TRPM7: variants seen among roughly 807,000 people sequenced by gnomAD.
The protein encoded by TRPM7 is LTRPC ion channel family member 7.
TRPM7 carries 134 observed loss-of-function variants against 229.7 expected under a neutral mutation model. The observed-to-expected ratio is 0.58, with a 90% CI of 0.51 to 0.67. The LOEUF (loss-of-function observed/expected upper bound fraction) is 0.67, where lower values mean the gene tolerates loss of function less well. Among genes scored for constraint, TRPM7 ranks in the 30% least tolerant of loss-of-function variants. TRPM7 has a pLI of 0.00. For missense variants in TRPM7, 1,901 were observed against 2,210.0 expected, an observed-to-expected ratio of 0.86 and a Z score of 2.80; for synonymous variants, 699 against 715.2, an observed-to-expected ratio of 0.98 and a Z score of 0.36.
chr15:50,568,801 C>G (rs1192899592), intron 38 of TRPM7, among the ~76,000 whole-genome samples: 1 of 151,848 alleles, frequency 6.6e-6, no homozygotes, highest in East Asian at 1.9e-4. Context: ...ATGGCAAAAC[C>G]CCATCTCTAC....
intron 16 of TRPM7, among the ~76,000 whole-genome samples, chr15:50,612,092 C>A (rs1195498278): frequency 2.0e-5 from 3 of 152,106 alleles, no homozygotes; most frequent in Admixed American, 2.0e-4. Flanking sequence ...TGAATTCTGG[C>A]ATTTCTTCTT....
chr15:50,627,339 AG>A (rs1475381453), intron 11 of TRPM7, among the ~76,000 whole-genome samples: 2 of 152,102 alleles, frequency 1.3e-5, no homozygotes, highest in African/African-American at 4.8e-5. Context: ...GGGTAGACAG[AG>A]GAAGTCCAAA....
intron 3 of TRPM7, among the ~76,000 whole-genome samples, chr15:50,651,252 TA>T (rs1278172031): frequency 2.0e-5 from 3 of 152,098 alleles, no homozygotes; most frequent in Admixed American, 6.6e-5. Context: ...AAACTATCAA[TA>T]AAATAAAATC....
chr15:50,580,839 C>A, intron 30 of TRPM7, 35 bp downstream of exon 30: 1 of 1,571,440 alleles, frequency 6.4e-7, no homozygotes, highest in South Asian at 1.2e-5. Flanking sequence ...AACTATGATA[C>A]TTCGCAAGCT....
chr15:50,607,444 T>C, intron 19 of TRPM7, 116 bp from the exon 20 acceptor site: 1 of 838,020 alleles, frequency 1.2e-6, no homozygotes, highest in Non-Finnish European at 1.8e-6. Context: ...GTAAATTATC[T>C]CCTAGTTTCC....
chr15:50,667,034 C>T (rs2140940408), intron 1 of TRPM7, among the ~76,000 whole-genome samples: 1 of 152,182 alleles, frequency 6.6e-6, no homozygotes, highest in African/African-American at 2.4e-5. Context: ...TGGATCAGGA[C>T]CCCTTTCTGG....
chr15:50,629,905 A>C (rs1596251073), intron 10 of TRPM7, among the ~76,000 whole-genome samples: 1 of 118,576 alleles, frequency 8.4e-6, no homozygotes, highest in Non-Finnish European at 1.6e-5. Context: ...TCTGTCACCC[A>C]GGCTGTAGTG....
chr15:50,609,213 A>G (rs535806166), intron 19 of TRPM7, among the ~76,000 whole-genome samples: 1 of 152,290 alleles, frequency 6.6e-6, no homozygotes, highest in Admixed American at 6.5e-5. Flanking sequence ...TTATTTCTAG[A>G]CTTTTATGTA....
chr15:50,652,429 A>G (rs72740456), intron 3 of TRPM7, among the ~76,000 whole-genome samples: 26,912 of 150,434 alleles, frequency 0.18, 3,137 homozygotes, highest in East Asian at 0.46. Context: ...TTGAAAAGAT[A>G]AATAAAATTG....
chr15:50,655,298 T>C (rs1404328730), intron 3 of TRPM7, among the ~76,000 whole-genome samples: 2 of 151,390 alleles, frequency 1.3e-5, no homozygotes, highest in African/African-American at 4.9e-5. Flanking sequence ...CCAGGCATGG[T>C]GGCATGCGTC....
At position 50,612,636 on chromosome 15, in the gene TRPM7, G is replaced by A; in HGVS notation, c.1964C>T (p.Ala655Val). 6.2e-7 allele frequency: 1 copy of A among 1,614,102 alleles called. No homozygotes were observed. Among genetic ancestry groups the A allele is most frequent in the Non-Finnish European group, 8.5e-7 (1 of 1,180,016 alleles). Residue 655 changes from alanine to valine, a missense_variant, in exon 16 of 39, where the codon GCC becomes GTC. Ala to Val is a moderately conservative substitution (Grantham distance 64, BLOSUM62 0). Coordinates refer to ENST00000646667, the MANE Select transcript of TRPM7 (RefSeq NM_017672.6). ...GEESMAKALV[A>V]CKIYRSMAYE... ...TGCCATTGAACGATAGATCTTACAG[G>A]CAACTAATGCTTTAGCCATTGATTC...
At chr15:50,641,843 T>C (rs2061110213) in intron 5 of TRPM7, among the ~76,000 whole-genome samples, 1 of 151,826 alleles carries the variant, frequency 6.6e-6, no homozygotes, top group African/African-American at 2.4e-5. Context: ...CTAGTAAAAA[T>C]ACAAAACTTA....
intron 3 of TRPM7, among the ~76,000 whole-genome samples, chr15:50,650,688 G>A (rs2061398538): frequency 6.7e-6 from 1 of 150,296 alleles, no homozygotes; most frequent in South Asian, 2.1e-4. Flanking sequence ...CAGCAAGACT[G>A]GGTCTCAAAA....
At chr15:50,615,163 CAAAAAAAA>C (rs71124383) in intron 13 of TRPM7, among the ~76,000 whole-genome samples, 1,036 of 94,534 alleles carry the variant, frequency 0.011, 15 homozygotes, top group African/African-American at 0.043. Flanking sequence ...GACTTTGTCT[CAAAAAAAA>C]AAAAAAAAAA....
At chr15:50,669,478 A>G (rs2061945690) in intron 1 of TRPM7, among the ~76,000 whole-genome samples, 1 of 152,174 alleles carries the variant, frequency 6.6e-6, no homozygotes, top group African/African-American at 2.4e-5. Flanking sequence ...CTCGGTTTTA[A>G]AAGTCTTATC....
chr15:50,604,873 C>G lies in TRPM7; in HGVS notation c.2981G>C (p.Gly994Ala), dbSNP rs1487271282. ...QQAGPYVMMIGKMVANMFYIV... is the reference protein window; with the variant it reads ...QQAGPYVMMIAKMVANMFYIV... The stretch of plus-strand genomic sequence containing the variant: ...AAACATCTGTCAACTTACCATTTTT[C>G]CAATCATCATTACATAAGGTCCTGC... Residue 994 changes from glycine (G) to alanine (A), a missense_variant, in exon 21 of 39, where the codon GGA (glycine) becomes GCA (alanine). By Grantham distance (60) the Gly-to-Ala change is moderately conservative. Around this residue, in one of 8 missense-constraint regions of TRPM7, gnomAD observed 89 missense variants for 178.2 expected, o/e 0.50. Coordinates refer to ENST00000646667, the MANE Select transcript of TRPM7 (RefSeq NM_017672.6). 6.4e-7 allele frequency: 1 copy of G among 1,560,514 alleles called. No homozygotes were observed. The highest frequency in any genetic ancestry group is 8.7e-7 in the Non-Finnish European group (1 of 1,153,858).
At chr15:50,581,535 C>CAT (rs1477934722) in intron 29 of TRPM7, among the ~76,000 whole-genome samples, 3 of 151,156 alleles carry the variant, frequency 2.0e-5, no homozygotes, top group Non-Finnish European at 2.9e-5. Flanking sequence ...TGTATATATA[C>CAT]ATATACATAT....
intron 22 of TRPM7, 21 bp downstream of exon 22, chr15:50,599,101 C>G: frequency 2.6e-6 from 4 of 1,527,098 alleles, no homozygotes; most frequent in Non-Finnish European, 3.6e-6. Context: ...AAAGATAAAT[C>G]TGTAAATATA....
At chr15:50,580,724 A>T in intron 30 of TRPM7, 150 bp downstream of exon 30, 1 of 575,740 alleles carries the variant, frequency 1.7e-6, no homozygotes, top group East Asian at 3.0e-5. Flanking sequence ...TTGTTCCCCT[A>T]ATCTCATCTA....
Sources: gnomAD v4.1 joint callset for allele counts (sites outside exome capture counted in the v4.1 genomes callset) on GRCh38, gnomAD v4.1.1 for gene constraint, gnomAD v4.1.1 regional missense constraint, MANE v1.5 for transcripts, NCBI Gene and HGNC (gene_info 2026-07-23, HGNC 2026-07-21) for gene names.